Variants in ANKRD36B observed in about 807,000 individuals in gnomAD.
ANKRD36B encodes ankyrin repeat domain 36B.
ANKRD36B carries 37 observed loss-of-function variants against 135.7 expected under a neutral mutation model. The observed-to-expected ratio is 0.27, with a 90% CI of 0.21 to 0.36. The LOEUF (loss-of-function observed/expected upper bound fraction) is 0.36. ANKRD36B is among the 10% of genes least tolerant of loss of function. ANKRD36B has a pLI of 1.00. For synonymous variants in ANKRD36B, 179 were observed against 348.1 expected, an observed-to-expected ratio of 0.51 and a Z score of 5.41; for missense variants, 549 against 1,037.1, an observed-to-expected ratio of 0.53 and a Z score of 6.46.
At chr2:97,577,226 T>C (rs1293372116) in intron 5 of ANKRD36B, among the ~76,000 whole-genome samples, 1 of 140,844 alleles carries the variant, frequency 7.1e-6, no homozygotes, top group Non-Finnish European at 1.5e-5. Context: ...TGAGCAGATG[T>C]TTGCTAGAAT....
intron 22 of ANKRD36B, 101 bp from the exon 23 acceptor site, chr2:97,545,962 A>C: frequency 8.6e-6 from 8 of 926,228 alleles, no homozygotes; most frequent in Non-Finnish European, 1.4e-5. Context: ...TCCTGCCTGT[A>C]ATAGTGTAGG....
chr2:97,582,867 T>C (rs1300464648), intron 3 of ANKRD36B, among the ~76,000 whole-genome samples: 13 of 152,130 alleles, frequency 8.5e-5, no homozygotes, highest in Admixed American at 7.9e-4. Flanking sequence ...ATTTATAATT[T>C]ATGTTTAATT....
chr2:97,496,117 C>G (rs1475263853), intron 43 of ANKRD36B, among the ~76,000 whole-genome samples: 1 of 101,120 alleles, frequency 9.9e-6, no homozygotes, highest in African/African-American at 2.7e-5. Context: ...AGTGAATGCA[C>G]AAATGATAAG....
chr2:97,551,188 G>A (rs1239520091), intron 18 of ANKRD36B, 101 bp downstream of exon 18: 9 of 1,448,228 alleles, frequency 6.2e-6, no homozygotes, highest in East Asian at 2.5e-5. Context: ...GGCCTGCTGA[G>A]TCAGAATGTG....
At chr2:97,539,015 C>T (rs2079023900) in intron 30 of ANKRD36B, among the ~76,000 whole-genome samples, 1 of 96,248 alleles carries the variant, frequency 1.0e-5, no homozygotes. Context: ...GGTTCTTCAT[C>T]CACTCATGGC....
intron 6 of ANKRD36B, among the ~76,000 whole-genome samples, chr2:97,567,455 G>C (rs1234422332): frequency 6.6e-6 from 1 of 151,888 alleles, no homozygotes; most frequent in African/African-American, 2.4e-5. Flanking sequence ...GCCCCACCCT[G>C]AAGCCATCTG....
rs142592601 is a variant in ANKRD36B, at chr2:97,547,797, G to A, written c.1478-66C>T. ...ATGACAAAATTATCCACACATTCAC[G>A]CAGTGTTAGCATCAACCTCTGTCTT... On this transcript the variant is annotated intron_variant, in intron 20 of 43. Coordinates refer to ENST00000359901, the MANE Select transcript of ANKRD36B (RefSeq NM_001393939.1). 664 of 1,526,064 alleles carry A rather than the reference G, an allele frequency of 4.4e-4. No individual in the cohort carries two copies. In the African/African-American group the frequency reaches 8.1e-3, roughly 19 times the overall value. 94.5% of individuals were successfully genotyped at this position (1,526,064 alleles called of 1,614,324 possible).
At chr2:97,573,926 A>C (rs1003917840) in intron 6 of ANKRD36B, among the ~76,000 whole-genome samples, 4 of 152,378 alleles carry the variant, frequency 2.6e-5, no homozygotes, top group African/African-American at 9.6e-5. Context: ...ACCTAAAACC[A>C]TAAAAACCCT....
chr2:97,577,683 C>A (rs964329777), intron 5 of ANKRD36B, among the ~76,000 whole-genome samples: 1 of 147,814 alleles, frequency 6.8e-6, no homozygotes, highest in Non-Finnish European at 1.5e-5. Context: ...TCTGTTAAAT[C>A]TAACTAACAA....
intron 22 of ANKRD36B, among the ~76,000 whole-genome samples, chr2:97,546,268 A>T (rs1010429807): frequency 6.6e-6 from 1 of 151,760 alleles, no homozygotes. Flanking sequence ...ACACCATTAT[A>T]CTACAAACAT....
chr2:97,588,134 T>C (rs1380777572), intron 1 of ANKRD36B, among the ~76,000 whole-genome samples: 1 of 152,022 alleles, frequency 6.6e-6, no homozygotes, highest in Non-Finnish European at 1.5e-5. Context: ...GCATTTGTGT[T>C]TTTTTCTGTT....
At chr2:97,550,110 C>T (rs1204500885) in intron 18 of ANKRD36B, among the ~76,000 whole-genome samples, 1 of 151,378 alleles carries the variant, frequency 6.6e-6, no homozygotes, top group Non-Finnish European at 1.5e-5. Context: ...TTACACTTCA[C>T]ATCTCTTCAG....
intron 5 of ANKRD36B, among the ~76,000 whole-genome samples, chr2:97,576,942 T>G (rs2082273033): frequency 6.6e-6 from 1 of 152,040 alleles, no homozygotes; most frequent in Non-Finnish European, 1.5e-5. Context: ...AATGTGTATT[T>G]TTTCATAGGT....
intron 18 of ANKRD36B, among the ~76,000 whole-genome samples, chr2:97,550,453 C>A (rs1488232387): frequency 2.0e-5 from 3 of 151,826 alleles, no homozygotes; most frequent in African/African-American, 7.2e-5. Flanking sequence ...ATAATTTATG[C>A]CTCTAAAATA....
Position 97,578,912 on chromosome 2 carries a change from T to A in ANKRD36B, c.689A>T (p.Asn230Ile). The A allele has an allele frequency of 6.2e-7, 1 of 1,612,818 alleles. No individual in the cohort carries two copies. Among genetic ancestry groups the A allele is most frequent in the Non-Finnish European group, 8.5e-7 (1 of 1,179,100 alleles). ...LAEDYASEAE[N>I]RVIFDLIYEY... is the part of the protein sequence containing the mutation. ...TTTTTACGTAAAGACTTACACTCTA[T>A]TCTCAGCCTCACTGGCATAATCTTC... is the stretch of plus-strand genomic sequence containing the variant. The change falls in exon 5 of 44, where the codon AAT becomes ATT. Residue 230 changes from asparagine to isoleucine, a missense_variant. Asn to Ile is a moderately radical substitution (Grantham distance 149). Coordinates refer to ENST00000359901, the MANE Select transcript of ANKRD36B (RefSeq NM_001393939.1).
At chr2:97,546,655 G>C (rs758770648) in intron 22 of ANKRD36B, among the ~76,000 whole-genome samples, 1 of 151,694 alleles carries the variant, frequency 6.6e-6, no homozygotes, top group Non-Finnish European at 1.5e-5. Flanking sequence ...AATATTCATT[G>C]AAAATTATAA....
intron 4 of ANKRD36B, among the ~76,000 whole-genome samples, chr2:97,579,856 A>ATATAATGTTACTTACACACAACCG: frequency 6.6e-6 from 1 of 151,924 alleles, no homozygotes; most frequent in African/African-American, 2.4e-5. Context: ...ACACACAACC[A>ATATAATGTTACTTACACACAACCG]CCCTTGAAGG....
chr2:97,562,587 T>C (rs1382678252), intron 6 of ANKRD36B, among the ~76,000 whole-genome samples: 4 of 152,016 alleles, frequency 2.6e-5, no homozygotes, highest in African/African-American at 4.8e-5. Flanking sequence ...AACTTCCAAA[T>C]TACCTCACTA....
In ANKRD36B at chr2:97,572,169, T is replaced by C. The variant is rs552470519; in HGVS notation, c.763+4210A>G. On this transcript the variant is annotated intron_variant, in intron 6 of 43. Coordinates refer to ENST00000359901, the MANE Select transcript of ANKRD36B (RefSeq NM_001393939.1). ...TGGCATATACTTGTAGCAGTCTCAA[T>C]GACTTAGGAGGCCGAGGTAGGAGGA... Among the ~76,000 whole-genome samples, 389 of 151,964 alleles carry C rather than the reference T, an allele frequency of 2.6e-3. 1 individual carries two copies. The highest frequency in any genetic ancestry group is 6.8e-3 in the Middle Eastern group (2 of 292).
Sources: allele counts gnomAD v4.1 joint callset (sites outside exome capture counted in the v4.1 genomes callset), GRCh38; gene constraint gnomAD v4.1.1; transcripts MANE v1.5; gene names NCBI Gene and HGNC (gene_info 2026-07-23, HGNC 2026-07-21).